Variants in SERPINF1 observed in about 807,000 individuals in gnomAD.
SERPINF1 encodes the protein serpin family F member 1, also known as pigment epithelium-derived factor.
A neutral mutation model predicts 37.3 loss-of-function variants in SERPINF1; 29 were observed. The observed-to-expected ratio is 0.78, with a 90% CI of 0.58 to 1.06. The LOEUF is 1.06. Ranked by LOEUF, SERPINF1 falls within the 50% of genes least tolerant of loss-of-function variation. The pLI, the probability that SERPINF1 is intolerant of heterozygous loss-of-function variation, is 0.00. For synonymous variants in SERPINF1, 281 were observed against 227.9 expected (o/e 1.23, Z -2.10); for missense variants, 553 against 532.2 (o/e 1.04, Z -0.38).
chr17:1,775,022 C>T, intron 5 of SERPINF1, 36 bp from the exon 6 acceptor site: 1 of 1,613,976 alleles, frequency 6.2e-7, no homozygotes, highest in Non-Finnish European at 8.5e-7. Context: ...TTTCTGGTCT[C>T]CTGGGGCTCA....
At chr17:1,771,220 T>C (rs764747669) in intron 4 of SERPINF1, 36 bp downstream of exon 4, 3 of 1,607,990 alleles carry the variant, frequency 1.9e-6, no homozygotes, top group Non-Finnish European at 2.5e-6. Flanking sequence ...GCCTGAGGCA[T>C]GTGGGCTCCA....
At chr17:1,772,336 G>C (rs1396363024) in intron 5 of SERPINF1, among the ~76,000 whole-genome samples, 1 of 151,894 alleles carries the variant, frequency 6.6e-6, no homozygotes, top group Middle Eastern at 3.4e-3. Flanking sequence ...GGCTGGTCTC[G>C]AACTCCTGAG....
At chr17:1,773,548 A>C (rs1169116748) in intron 5 of SERPINF1, among the ~76,000 whole-genome samples, 1 of 152,226 alleles carries the variant, frequency 6.6e-6, no homozygotes, top group East Asian at 1.9e-4. Context: ...GCGCTGGCCA[A>C]ATCAGACAAG....
At chr17:1,770,666 C>G in intron 3 of SERPINF1, 1 of 331,730 alleles carries the variant, frequency 3.0e-6, no homozygotes, top group South Asian at 2.6e-5. Context: ...CACCATGTTG[C>G]CTAGGCTGGT....
rs71150813 is a variant in SERPINF1 at position 1,768,430 on chromosome 17, C to CA, written c.85-1406dup. 3.3e-3 allele frequency among the ~76,000 whole-genome samples: 306 copies of CA among 91,694 alleles called. 1 individual carries two copies. The highest frequency in any genetic ancestry group is 0.016 in the East Asian group (47 of 2,904). The allele number at this position is 91,694 out of a possible 152,430, so 60.2% of individuals were successfully genotyped here. A position where few individuals can be genotyped will look rare whatever the true frequency, so the allele number is the denominator to read the frequency against. On this transcript the variant is annotated intron_variant, in intron 2 of 7. Transcript: ENST00000254722. ...TGGGCGACAGAGTGAGACTCCGTCT[C>CA]AAAAAAAAAAAAAAAAGAAAGAAAG...
rs1284407931 is a variant in SERPINF1, at chr17:1,777,383, G to A, written c.1194G>A (p.Leu398=). The A allele has an allele frequency of 6.2e-7, 1 of 1,614,102 alleles. No individual in the cohort carries two copies. ...TTAACCAGCCTTTCATCTTCGTACT[G>A]AGGGACACAGACACAGGGGCCCTTC... ...YHLNQPFIFV[L]RDTDTGALLF... The change falls in exon 8 of 8, where the codon CTG becomes CTA. Residue 398 remains leucine, a synonymous_variant. Coordinates refer to ENST00000254722, the MANE Select transcript of SERPINF1 (RefSeq NM_002615.7).
intron 2 of SERPINF1, among the ~76,000 whole-genome samples, chr17:1,768,137 G>A (rs1689462418): frequency 6.7e-6 from 1 of 149,206 alleles, no homozygotes; most frequent in African/African-American, 2.5e-5. Context: ...AGGAGATTAA[G>A]ACTGCAGTGA....
intron 2 of SERPINF1, 66 bp from the exon 3 acceptor site, chr17:1,769,786 G>A: frequency 6.4e-7 from 1 of 1,555,226 alleles, no homozygotes; most frequent in Non-Finnish European, 8.9e-7. Flanking sequence ...AAGCCGTGAG[G>A]AGACAGTCCC....
At chr17:1,773,093 G>A (rs898190128) in intron 5 of SERPINF1, among the ~76,000 whole-genome samples, 4 of 152,316 alleles carry the variant, frequency 2.6e-5, no homozygotes, top group African/African-American at 9.6e-5. Context: ...TCTGGGAACT[G>A]TGCTTGCCTG....
chr17:1,769,816 C>T, intron 2 of SERPINF1, 36 bp from the exon 3 acceptor site: 3 of 1,612,350 alleles, frequency 1.9e-6, no homozygotes, highest in Non-Finnish European at 2.5e-6. Context: ...CTGCGAGTCC[C>T]TGAACTCAAA....
At chr17:1,772,229 G>A (rs1567755716) in intron 5 of SERPINF1, among the ~76,000 whole-genome samples, 154 bp downstream of exon 5, 1 of 152,094 alleles carries the variant, frequency 6.6e-6, no homozygotes, top group East Asian at 1.9e-4. Context: ...CAATTCTTGT[G>A]CCTCAGCCTC....
chr17:1,770,416 C>T (rs1235651605), intron 3 of SERPINF1: 1 of 368,274 alleles, frequency 2.7e-6, no homozygotes, highest in East Asian at 5.8e-5. Flanking sequence ...CAGCTGGGTT[C>T]ACAGGGGAAC....
chr17:1,775,676 T>C (rs1267909399), intron 6 of SERPINF1, among the ~76,000 whole-genome samples: 1 of 152,002 alleles, frequency 6.6e-6, no homozygotes, highest in Non-Finnish European at 1.5e-5. Context: ...CCTGAGTAGC[T>C]GGGATTACAG....
rs1326053680 is a variant in SERPINF1 at position 1,775,140 on chromosome 17, C to T, written c.726C>T (p.Pro242=). The stretch of plus-strand genomic sequence containing the variant: ...ATGAAGAGAGGACCGTGAGGGTCCC[C>T]ATGATGTCGGACCCTAAGGCTGTTT... The part of the protein sequence containing the change: ...YLDEERTVRV[P]MMSDPKAVLR... Residue 242 remains proline, a synonymous_variant, in exon 6 of 8, where the codon CCC becomes CCT. Coordinates refer to ENST00000254722, the MANE Select transcript of SERPINF1 (RefSeq NM_002615.7). 26 of 1,612,656 alleles carry T rather than the reference C, an allele frequency of 1.6e-5. No homozygotes were observed. In the Admixed American group the frequency reaches 2.8e-4, roughly 18 times the overall value.
At chr17:1,774,416 G>T (rs569273331) in intron 5 of SERPINF1, among the ~76,000 whole-genome samples, 2 of 152,038 alleles carry the variant, frequency 1.3e-5, no homozygotes, top group South Asian at 4.1e-4. Flanking sequence ...GGCTGTTCTC[G>T]AAAACTCCTG....
At position 1,770,698 on chromosome 17, in the gene SERPINF1, G is replaced by T. The variant is rs559916990; in HGVS notation, c.284-331G>T. On this transcript the variant is annotated intron_variant, in intron 3 of 7. Transcript: ENST00000254722. ...TGGTCTCAAACTCCCGGGCTCAAGC[G>T]ATCCACCCGCCTTGGCCTCCCAAAG... The T allele has an allele frequency of 1.5e-5, 5 of 341,446 alleles. No homozygotes were observed. In the East Asian group the frequency reaches 3.8e-4, roughly 26 times the overall value. 21.2% of individuals were successfully genotyped at this position (341,446 alleles called of 1,614,324 possible).
rs764955796 is a variant in SERPINF1, at chr17:1,775,045, C to T, written c.644-13C>T. On this transcript the variant is annotated splice_polypyrimidine_tract_variant and intron_variant, in intron 5 of 7. Transcript: ENST00000254722. ...CTCCTGGGGCTCAGACTATGTCATACACTTCTTTCCAGGGCAGTGGGTAAC... is the reference window on the plus strand; with the variant it reads ...CTCCTGGGGCTCAGACTATGTCATATACTTCTTTCCAGGGCAGTGGGTAAC... 1.8e-5 allele frequency: 29 copies of T among 1,614,024 alleles called. No individual in the cohort carries two copies. The South Asian group carries it at 2.2e-4, about 12-fold the overall frequency.
At chr17:1,775,015 C>A in intron 5 of SERPINF1, 43 bp from the exon 6 acceptor site, 2 of 1,613,740 alleles carry the variant, frequency 1.2e-6, no homozygotes, top group Non-Finnish European at 1.7e-6. Context: ...CACTGTCTTT[C>A]TGGTCTCCTG....
intron 6 of SERPINF1, 124 bp from the exon 7 acceptor site, chr17:1,776,408 G>T: frequency 1.2e-6 from 1 of 842,890 alleles, no homozygotes; most frequent in South Asian, 1.3e-5. Context: ...TTAAATAGAT[G>T]AGGGGCTGGA....
Sources: gnomAD v4.1 joint callset for allele counts (sites outside exome capture counted in the v4.1 genomes callset) on GRCh38, gnomAD v4.1.1 for gene constraint, MANE v1.5 for transcripts, NCBI Gene and HGNC (gene_info 2026-07-23, HGNC 2026-07-21) for gene names.